SLC16A10: variants seen among roughly 807,000 people sequenced by gnomAD.
The protein encoded by SLC16A10 is monocarboxylate transporter 10.
Under a neutral mutation model 40.0 loss-of-function variants are expected in SLC16A10, and 27 were observed. The ratio of observed to expected loss-of-function variants is 0.67; its 90% CI spans 0.50 to 0.93. The LOEUF (loss-of-function observed/expected upper bound fraction) is 0.93. Among genes scored for constraint, SLC16A10 ranks in the 40% least tolerant of loss-of-function variants. SLC16A10 has a pLI of 0.00. For missense variants in SLC16A10, 529 were observed against 658.2 expected (o/e 0.80, Z 2.15); for synonymous variants, 213 against 249.8 (o/e 0.85, Z 1.39).
At chr6:111,193,430 T>A (rs1338705951) in intron 3 of SLC16A10, 3 of 527,284 alleles carry the variant, frequency 5.7e-6, no homozygotes, top group Non-Finnish European at 7.3e-6. Flanking sequence ...ACCACTTGTT[T>A]ACTCATTCAT....
At chr6:111,147,987 C>T (rs1772109150) in intron 1 of SLC16A10, among the ~76,000 whole-genome samples, 1 of 152,196 alleles carries the variant, frequency 6.6e-6, no homozygotes, top group Non-Finnish European at 1.5e-5. Context: ...TATTGATCAT[C>T]AGTGTACCTT....
chr6:111,115,571 TGCTGTTAATAA>T (rs1300565765), intron 1 of SLC16A10, among the ~76,000 whole-genome samples: 1 of 152,252 alleles, frequency 6.6e-6, no homozygotes, highest in Non-Finnish European at 1.5e-5. Flanking sequence ...CATTATTTCT[TGCTGTTAATAA>T]GCAGTGAGAA....
intron 4 of SLC16A10, among the ~76,000 whole-genome samples, chr6:111,208,176 G>A (rs1043792395): frequency 9.9e-5 from 15 of 151,932 alleles, no homozygotes; most frequent in African/African-American, 3.4e-4. Flanking sequence ...ACAGGGTTTC[G>A]CTGTGTTGCC....
chr6:111,211,764 C>G (rs915472554), intron 4 of SLC16A10, among the ~76,000 whole-genome samples: 4 of 152,180 alleles, frequency 2.6e-5, no homozygotes, highest in African/African-American at 4.8e-5. Context: ...CTTCCTTGCC[C>G]CAACATCCCA....
intron 1 of SLC16A10, among the ~76,000 whole-genome samples, chr6:111,161,979 A>G (rs1404294145): frequency 1.3e-5 from 2 of 152,062 alleles, no homozygotes; most frequent in African/African-American, 4.8e-5. Flanking sequence ...TCTGAGCTGC[A>G]GCTGATGATC....
chr6:111,172,609 T>C, intron 1 of SLC16A10, 86 bp from the exon 2 acceptor site: 1 of 1,474,150 alleles, frequency 6.8e-7, no homozygotes, highest in Non-Finnish European at 9.1e-7. Flanking sequence ...AATAAAATTT[T>C]TCTAAATGTG....
intron 3 of SLC16A10, among the ~76,000 whole-genome samples, chr6:111,203,430 C>T (rs1230427382): frequency 1.3e-5 from 2 of 152,056 alleles, no homozygotes; most frequent in Non-Finnish European, 2.9e-5. Flanking sequence ...TAACAAAATT[C>T]GGTTAAATAA....
chr6:111,133,362 C>T (rs1771819738), intron 1 of SLC16A10, among the ~76,000 whole-genome samples: 1 of 152,056 alleles, frequency 6.6e-6, no homozygotes, highest in Non-Finnish European at 1.5e-5. Context: ...TCCCTATGTC[C>T]TTTTTTCAGA....
chr6:111,118,452 C>T (rs940054098), intron 1 of SLC16A10, among the ~76,000 whole-genome samples: 9 of 152,006 alleles, frequency 5.9e-5, no homozygotes, highest in Non-Finnish European at 1.2e-4. Context: ...GAGGCCGAGG[C>T]GGGCGGATCA....
chr6:111,195,793 C>G (rs1169419277), intron 3 of SLC16A10, among the ~76,000 whole-genome samples: 1 of 152,192 alleles, frequency 6.6e-6, no homozygotes, highest in Non-Finnish European at 1.5e-5. Context: ...AGTTTTCTCT[C>G]TGCTCTGTAG....
In SLC16A10 at chr6:111,087,619, C is replaced by G; in HGVS notation, c.-134C>G. The G allele has an allele frequency of 2.3e-6, 1 of 433,508 alleles. No homozygotes were observed. The highest frequency in any genetic ancestry group is 1.1e-4 in the South Asian group (1 of 8,740). 26.9% of individuals were successfully genotyped at this position (433,508 alleles called of 1,614,324 possible). A position where few individuals can be genotyped will look rare whatever the true frequency, so the allele number is the denominator to read the frequency against. Reference sequence around the variant, plus strand: ...TGGCCGCCTGCGCGCTGCCAGCCCGCCCGCCCGCCAGGGGCTCCGCCGCCC... The same window carrying G: ...TGGCCGCCTGCGCGCTGCCAGCCCGGCCGCCCGCCAGGGGCTCCGCCGCCC... On this transcript the variant is annotated 5_prime_UTR_variant, in exon 1 of 6. Coordinates refer to ENST00000368851, the MANE Select transcript of SLC16A10 (RefSeq NM_018593.5).
At chr6:111,131,690 G>A (rs1322819011) in intron 1 of SLC16A10, among the ~76,000 whole-genome samples, 3 of 152,170 alleles carry the variant, frequency 2.0e-5, no homozygotes, top group Non-Finnish European at 4.4e-5. Context: ...TCTGGGTTGG[G>A]AGCGTTGGGC....
rs1331409786 is a variant in SLC16A10 at position 111,223,445 on chromosome 6, A to G, written c.*1210A>G. 1.3e-5 allele frequency: 2 copies of G among 152,194 alleles called. No homozygotes were observed. Among genetic ancestry groups the G allele is most frequent in the Non-Finnish European group, 2.9e-5 (2 of 68,036 alleles). The allele number at this position is 152,194 out of a possible 1,614,324, so 9.4% of individuals were successfully genotyped here. A position where few individuals can be genotyped will look rare whatever the true frequency, so the allele number is the denominator to read the frequency against. On this transcript the variant is annotated 3_prime_UTR_variant, in exon 6 of 6. Transcript: ENST00000368851. ...TGCCATGACCCATACTCATTTACAA[A>G]AACAAGAACACTTTCCTCTATCCCT... is the stretch of plus-strand genomic sequence containing the variant.
chr6:111,114,883 TA>T (rs768993062), intron 1 of SLC16A10, among the ~76,000 whole-genome samples: 42 of 152,346 alleles, frequency 2.8e-4, no homozygotes, highest in African/African-American at 5.8e-4. Context: ...TATTTTTATT[TA>T]TTTTTTTTGA....
At position 111,226,576 on chromosome 6, in the gene SLC16A10, T is replaced by G. The variant is rs573016297; in HGVS notation, c.*4341T>G. ...GCAACTTTTACATTAGGTCAAAGATTGTTGCTTTTCCAGTGTGTTGTCTTA... is the reference window on the plus strand; with the variant it reads ...GCAACTTTTACATTAGGTCAAAGATGGTTGCTTTTCCAGTGTGTTGTCTTA... On this transcript the variant is annotated 3_prime_UTR_variant, in exon 6 of 6. Coordinates refer to ENST00000368851, the MANE Select transcript of SLC16A10 (RefSeq NM_018593.5). 2 of 152,258 alleles carry G rather than the reference T, an allele frequency of 1.3e-5. No homozygotes were observed. Among genetic ancestry groups the G allele is most frequent in the Non-Finnish European group, 2.9e-5 (2 of 68,052 alleles). 9.4% of individuals were successfully genotyped at this position (152,258 alleles called of 1,614,324 possible).
intron 3 of SLC16A10, among the ~76,000 whole-genome samples, chr6:111,182,748 T>G (rs80347325): frequency 0.013 from 1,998 of 152,244 alleles, 20 homozygotes; most frequent in Admixed American, 0.02. Flanking sequence ...CATCCTCATC[T>G]CAGGAGCTGG....
chr6:111,116,189 C>A (rs770377987), intron 1 of SLC16A10, among the ~76,000 whole-genome samples: 1 of 151,888 alleles, frequency 6.6e-6, no homozygotes, highest in Non-Finnish European at 1.5e-5. Flanking sequence ...TATACCATTA[C>A]TATAAAAAAG....
At chr6:111,109,436 A>T (rs963849126) in intron 1 of SLC16A10, among the ~76,000 whole-genome samples, 2 of 145,560 alleles carry the variant, frequency 1.4e-5, no homozygotes, top group African/African-American at 2.5e-5. Flanking sequence ...GTAGTATTCC[A>T]TTGTATGCCT....
chr6:111,124,638 C>T (rs1302053893), intron 1 of SLC16A10, among the ~76,000 whole-genome samples: 1 of 152,328 alleles, frequency 6.6e-6, no homozygotes, highest in Non-Finnish European at 1.5e-5. Context: ...GCTGGGATTA[C>T]AGGCATGAGA....
Sources: gnomAD v4.1 joint callset for allele counts (sites outside exome capture counted in the v4.1 genomes callset) on GRCh38, gnomAD v4.1.1 for gene constraint, MANE v1.5 for transcripts, NCBI Gene and HGNC (gene_info 2026-07-23, HGNC 2026-07-21) for gene names.